ARHGEF26: variants seen among roughly 807,000 people sequenced by gnomAD.
ARHGEF26 encodes the protein Rho guanine nucleotide exchange factor (GEF) 26.
ARHGEF26 carries 59 observed loss-of-function variants against 89.4 expected under a neutral mutation model. That is an observed-to-expected ratio of 0.66 (90% CI 0.54 to 0.82). The LOEUF is 0.82. Ranked by LOEUF, ARHGEF26 falls within the 40% of genes least tolerant of loss-of-function variation. The probability of loss-of-function intolerance (pLI) is 0.00; values close to 1 mark genes in which losing one functional copy is unlikely to be tolerated. For missense variants in ARHGEF26, 1,234 were observed against 1,085.6 expected (o/e 1.14, Z -1.92); for synonymous variants, 500 against 428.4 (o/e 1.17, Z -2.06).
At chr3:154,208,298 C>G (rs1258266669) in intron 9 of ARHGEF26, among the ~76,000 whole-genome samples, 2 of 152,172 alleles carry the variant, frequency 1.3e-5, no homozygotes, top group Admixed American at 1.3e-4. Context: ...GATCCCTTGC[C>G]TTGGTCCCTC....
intron 4 of ARHGEF26, among the ~76,000 whole-genome samples, chr3:154,133,985 TCTTGG>T: frequency 6.6e-6 from 1 of 152,278 alleles, no homozygotes; most frequent in East Asian, 1.9e-4. Context: ...CTGATCTGGC[TCTTGG>T]CTTGACTGTT....
intron 7 of ARHGEF26, among the ~76,000 whole-genome samples, chr3:154,188,838 C>A (rs1410288287): frequency 6.6e-6 from 1 of 152,030 alleles, no homozygotes; most frequent in East Asian, 1.9e-4. Context: ...TTCATATAGC[C>A]AGGGTGGAAA....
chr3:154,216,493 T>TA (rs1491484307), intron 9 of ARHGEF26, among the ~76,000 whole-genome samples: 9 of 24,952 alleles, frequency 3.6e-4, no homozygotes, highest in African/African-American at 1.1e-3. Context: ...TTTTTTTTTA[T>TA]TTTTTTTTAT....
chr3:154,132,110 A>G (rs1276637483), intron 4 of ARHGEF26, among the ~76,000 whole-genome samples: 2 of 152,194 alleles, frequency 1.3e-5, no homozygotes, highest in East Asian at 1.9e-4. Flanking sequence ...GGACTTGGCC[A>G]CTTAGCATTA....
At chr3:154,229,180 T>C (rs908657253) in intron 11 of ARHGEF26, among the ~76,000 whole-genome samples, 2 of 152,140 alleles carry the variant, frequency 1.3e-5, no homozygotes, top group African/African-American at 2.4e-5. Flanking sequence ...TTTTAGAACA[T>C]TAAAAACAAG....
intron 2 of ARHGEF26, among the ~76,000 whole-genome samples, chr3:154,123,834 CAT>C (rs1211813442): frequency 1.3e-5 from 2 of 152,116 alleles, no homozygotes; most frequent in African/African-American, 2.4e-5. Flanking sequence ...TCAAATATGA[CAT>C]AAAGAAACAG....
chr3:154,209,679 T>C lies in ARHGEF26; in HGVS notation c.1846-8190T>C, dbSNP rs554638608. ...CAAGCACCCCTGTGGCCACCCTCAC[T>C]ATGATTGCGCCGGGTAAGACCTGAG... On this transcript the variant is annotated intron_variant, in intron 9 of 14. Coordinates refer to ENST00000465093, the MANE Select transcript of ARHGEF26 (RefSeq NM_015595.4). 1.8e-4 allele frequency among the ~76,000 whole-genome samples: 28 copies of C among 152,332 alleles called. 1 individual carries two copies. Among genetic ancestry groups the C allele is most frequent in the African/African-American group, 6.7e-4 (28 of 41,592 alleles).
At chr3:154,220,413 A>G (rs1716053210) in intron 10 of ARHGEF26, among the ~76,000 whole-genome samples, 1 of 152,238 alleles carries the variant, frequency 6.6e-6, no homozygotes, top group Non-Finnish European at 1.5e-5. Flanking sequence ...CTCTAAGAGC[A>G]AGAGACAGAG....
chr3:154,215,722 G>A (rs573260805), intron 9 of ARHGEF26, among the ~76,000 whole-genome samples: 36 of 152,260 alleles, frequency 2.4e-4, no homozygotes, highest in Middle Eastern at 3.4e-3. Flanking sequence ...ACATGGTGGA[G>A]AGAGAGCAGA....
chr3:154,147,784 TC>T (rs1559861309), intron 4 of ARHGEF26, among the ~76,000 whole-genome samples: 1 of 152,192 alleles, frequency 6.6e-6, no homozygotes, highest in Non-Finnish European at 1.5e-5. Context: ...CCCCTTCTTT[TC>T]TTCCTTTTCC....
intron 4 of ARHGEF26, among the ~76,000 whole-genome samples, chr3:154,139,419 A>G (rs973731489): frequency 7.2e-5 from 11 of 152,140 alleles, no homozygotes; most frequent in Admixed American, 6.5e-5. Context: ...TCAACTAGCT[A>G]TTTCTTTTGG....
chr3:154,182,365 G>A (rs1280107893), intron 6 of ARHGEF26, among the ~76,000 whole-genome samples: 2 of 151,884 alleles, frequency 1.3e-5, no homozygotes, highest in Non-Finnish European at 1.5e-5. Flanking sequence ...AGAATAGGAG[G>A]GCCAAAATGA....
intron 10 of ARHGEF26, among the ~76,000 whole-genome samples, chr3:154,218,587 A>C (rs370513404): frequency 2.0e-4 from 30 of 152,216 alleles, no homozygotes; most frequent in African/African-American, 7.0e-4. Flanking sequence ...AGTGCTCACG[A>C]TTGTGACTCT....
chr3:154,215,526 G>A (rs1715666262), intron 9 of ARHGEF26, among the ~76,000 whole-genome samples: 1 of 151,892 alleles, frequency 6.6e-6, no homozygotes, highest in African/African-American at 2.4e-5. Flanking sequence ...TTTAGAAGGG[G>A]AAATATTTTT....
At chr3:154,207,498 A>T (rs1715099611) in intron 9 of ARHGEF26, among the ~76,000 whole-genome samples, 1 of 152,256 alleles carries the variant, frequency 6.6e-6, no homozygotes. Context: ...CATATAAAAA[A>T]AAAGCTCAAC....
In ARHGEF26 at chr3:154,255,563, C is replaced by T; in HGVS notation, c.*90C>T. 6.7e-7 allele frequency: 1 copy of T among 1,500,506 alleles called. No individual in the cohort carries two copies. Among genetic ancestry groups the T allele is most frequent in the Non-Finnish European group, 8.9e-7 (1 of 1,128,668 alleles). 92.9% of individuals were successfully genotyped at this position (1,500,506 alleles called of 1,614,324 possible). ...GCTAGTTTTATTGTTAATTTTGTCA[C>T]AGCCTATTTAATTAAAAGAACGAAA... On this transcript the variant is annotated 3_prime_UTR_variant, in exon 15 of 15. Coordinates refer to ENST00000465093, the MANE Select transcript of ARHGEF26 (RefSeq NM_015595.4).
At chr3:154,184,033 C>T (rs1045131848) in intron 6 of ARHGEF26, among the ~76,000 whole-genome samples, 8 of 145,904 alleles carry the variant, frequency 5.5e-5, no homozygotes, top group Admixed American at 3.6e-4. Flanking sequence ...AGTGCAGTGG[C>T]GCAATCTCGG....
intron 4 of ARHGEF26, among the ~76,000 whole-genome samples, chr3:154,140,071 A>C (rs1211528873): frequency 6.8e-6 from 1 of 148,094 alleles, no homozygotes; most frequent in African/African-American, 2.5e-5. Flanking sequence ...TTGTGTGCCC[A>C]CCTGGGCAAC....
intron 7 of ARHGEF26, among the ~76,000 whole-genome samples, chr3:154,190,022 AT>A (rs200125680): frequency 2.0e-5 from 3 of 151,778 alleles, no homozygotes; most frequent in East Asian, 1.9e-4. Context: ...TCAAAATAAC[AT>A]TTTTTTTAAA....
Sources: allele counts gnomAD v4.1 joint callset (sites outside exome capture counted in the v4.1 genomes callset), GRCh38; gene constraint gnomAD v4.1.1; transcripts MANE v1.5; gene names NCBI Gene and HGNC (gene_info 2026-07-23, HGNC 2026-07-21).